The following TMEM86A variants were observed in gnomAD, a reference collection of about 807,000 sequenced individuals.
TMEM86A encodes transmembrane protein 86A, also known as lysoplasmalogenase TMEM86A.
In TMEM86A, 13 loss-of-function variants were observed where a neutral mutation model predicts 19.8. The ratio of observed to expected loss-of-function variants is 0.66; its 90% confidence interval spans 0.43 to 1.04. The LOEUF (loss-of-function observed/expected upper bound fraction) is 1.04, where lower values mean the gene tolerates loss of function less well. Among genes scored for constraint, TMEM86A ranks in the 50% least tolerant of loss-of-function variants. The probability of loss-of-function intolerance (pLI) is 0.00; values close to 1 mark genes in which losing one functional copy is unlikely to be tolerated. For missense variants in TMEM86A, 248 were observed against 306.8 expected (o/e 0.81, Z 1.43); for synonymous variants, 128 against 129.9 (o/e 0.99, Z 0.10).
rs762190507 is a variant in TMEM86A, at chr11:18,701,874, C to T, written c.588C>T (p.Asn196=). 3 of 1,614,192 alleles carry T rather than the reference C, an allele frequency of 1.9e-6. No homozygotes were observed. Among genetic ancestry groups the T allele is most frequent in the East Asian group, 4.5e-5 (2 of 44,886 alleles). Residue 196 remains asparagine (N), a synonymous_variant, in exon 3 of 3, where the codon AAC becomes AAT. Transcript: ENST00000280734. This position sits in a 1 kb window ranked among gnomAD's most constrained non-coding sequence, Gnocchi z 5.3. ...FIISDLTIAL[N]KFCFPVPYSR... ...TCTCAGACCTGACCATCGCCCTCAA[C>T]AAATTCTGTTTTCCTGTGCCCTACT...
rs192174139 is a variant in TMEM86A, at chr11:18,701,322, G to A, written c.286+125G>A. ...GAGTGTGGGGAGCCTGAGGGTTTCTGAGGCCAGGGACTGTGAGGGTCCTTG... is the reference window on the plus strand; with the variant it reads ...GAGTGTGGGGAGCCTGAGGGTTTCTAAGGCCAGGGACTGTGAGGGTCCTTG... On this transcript the variant is annotated intron_variant, in intron 2 of 2. Coordinates refer to ENST00000280734, the MANE Select transcript of TMEM86A (RefSeq NM_153347.3). The surrounding 1 kb of genome is among the most constrained non-coding windows in gnomAD (Gnocchi z 5.3). The A allele has an allele frequency of 2.0e-5, 27 of 1,337,868 alleles. No homozygotes were observed. Among genetic ancestry groups the A allele is most frequent in the Non-Finnish European group, 2.6e-5 (26 of 982,566 alleles). 82.9% of individuals were successfully genotyped at this position (1,337,868 alleles called of 1,614,324 possible).
chr11:18,702,282 AC>A lies in TMEM86A; in HGVS notation c.*279del, dbSNP rs931486548. On this transcript the variant is annotated 3_prime_UTR_variant, in exon 3 of 3. Transcript: ENST00000280734. ...CCTCTACCCTATCAGGACTTTCAAA[AC>A]CCCCCTGGAAGGTGATGGTGCTCAG... 7 of 457,440 alleles carry A rather than the reference AC, an allele frequency of 1.5e-5. No homozygotes were observed. The highest frequency in any genetic ancestry group is 9.9e-5 in the African/African-American group (5 of 50,706). The allele number at this position is 457,440 out of a possible 1,614,324, so 28.3% of individuals were successfully genotyped here. A position where few individuals can be genotyped will look rare whatever the true frequency, so the allele number is the denominator to read the frequency against.
rs1292330135 is a variant in TMEM86A, at chr11:18,701,965, A to G, written c.679A>G (p.Ser227Gly). ...QMLVALSAVE[S>G]REPVEHYRLT... ...GCTCGTCGCCTTGTCAGCTGTCGAAAGCCGGGAGCCTGTGGAACACTACAG... is the reference window on the plus strand; with the variant it reads ...GCTCGTCGCCTTGTCAGCTGTCGAAGGCCGGGAGCCTGTGGAACACTACAG... The change falls in exon 3 of 3, where the codon AGC becomes GGC. Residue 227 changes from serine to glycine, a missense_variant. Ser to Gly is a moderately conservative substitution (Grantham distance 56). Transcript: ENST00000280734. The surrounding 1 kb of genome is among the most constrained non-coding windows in gnomAD (Gnocchi z 5.3). The G allele has an allele frequency of 3.7e-6, 6 of 1,611,360 alleles. No individual in the cohort carries two copies. The highest frequency in any genetic ancestry group is 5.1e-6 in the Non-Finnish European group (6 of 1,180,014).
rs780884970 is a variant in TMEM86A, at chr11:18,698,785, C to T, written c.-102C>T. 8.2e-5 allele frequency: 52 copies of T among 635,986 alleles called. 1 individual carries two copies. Among genetic ancestry groups the T allele is most frequent in the Non-Finnish European group, 1.2e-4 (44 of 354,674 alleles). The allele number at this position is 635,986 out of a possible 1,614,324, so 39.4% of individuals were successfully genotyped here. A position where few individuals can be genotyped will look rare whatever the true frequency, so the allele number is the denominator to read the frequency against. On this transcript the variant is annotated 5_prime_UTR_variant, in exon 1 of 3. Transcript: ENST00000280734. ...CGCCGGGCGCTCGGGAGGTATTGTC[C>T]GTCCCTCCGGGCTTTGTAGAATCGT...
At position 18,701,338 on chromosome 11, in the gene TMEM86A, A is replaced by G; in HGVS notation, c.286+141A>G. 8.1e-7 allele frequency: 1 copy of G among 1,239,560 alleles called. No homozygotes were observed. The highest frequency in any genetic ancestry group is 1.5e-5 in the South Asian group (1 of 68,102). 76.8% of individuals were successfully genotyped at this position (1,239,560 alleles called of 1,614,324 possible). On this transcript the variant is annotated intron_variant, in intron 2 of 2. Transcript: ENST00000280734. The surrounding 1 kb of genome is among the most constrained non-coding windows in gnomAD (Gnocchi z 5.3). ...AGGGTTTCTGAGGCCAGGGACTGTG[A>G]GGGTCCTTGTTAGGGGATGACCTCG...
rs1848130382 is a variant in TMEM86A, at chr11:18,699,388, G to A, written c.21+481G>A. On this transcript the variant is annotated intron_variant, in intron 1 of 2. Coordinates refer to ENST00000280734, the MANE Select transcript of TMEM86A (RefSeq NM_153347.3). The surrounding 1 kb of genome is among the most constrained non-coding windows in gnomAD (Gnocchi z 4.0). ...GACGCCCCTGAGTCTAAGAAGCGCT[G>A]ATAACGCGCTGGGGGAAAAGGGGGC... Among the ~76,000 whole-genome samples the A allele has an allele frequency of 6.6e-6, 1 of 152,234 alleles. No homozygotes were observed. Among genetic ancestry groups the A allele is most frequent in the Non-Finnish European group, 1.5e-5 (1 of 68,040 alleles).
In TMEM86A at chr11:18,701,969, G is replaced by A. The variant is rs371309512; in HGVS notation, c.683G>A (p.Arg228Gln). The change falls in exon 3 of 3, where the codon CGG becomes CAG. Residue 228 changes from arginine to glutamine, a missense_variant. Arg to Gln is a conservative substitution (Grantham distance 43, BLOSUM62 1). Transcript: ENST00000280734. The surrounding 1 kb of genome is among the most constrained non-coding windows in gnomAD (Gnocchi z 5.3). ...GTCGCCTTGTCAGCTGTCGAAAGCC[G>A]GGAGCCTGTGGAACACTACAGACTG... ...MLVALSAVES[R>Q]EPVEHYRLTK... The A allele has an allele frequency of 3.7e-5, 59 of 1,610,372 alleles. No homozygotes were observed. In the Middle Eastern group the frequency reaches 9.9e-4, roughly 27 times the overall value.
Position 18,701,318 on chromosome 11 carries a change from T to C in TMEM86A, c.286+121T>C. The stretch of plus-strand genomic sequence containing the variant: ...ACCAGAGTGTGGGGAGCCTGAGGGT[T>C]TCTGAGGCCAGGGACTGTGAGGGTC... On this transcript the variant is annotated intron_variant, in intron 2 of 2. Coordinates refer to ENST00000280734, the MANE Select transcript of TMEM86A (RefSeq NM_153347.3). This position sits in a 1 kb window ranked among gnomAD's most constrained non-coding sequence, Gnocchi z 5.3. 7.3e-7 allele frequency: 1 copy of C among 1,370,088 alleles called. No individual in the cohort carries two copies. The highest frequency in any genetic ancestry group is 9.9e-7 in the Non-Finnish European group (1 of 1,010,278). The allele number at this position is 1,370,088 out of a possible 1,614,324, so 84.9% of individuals were successfully genotyped here.
chr11:18,701,284 A>T lies in TMEM86A; in HGVS notation c.286+87A>T, dbSNP rs1438581863. On this transcript the variant is annotated intron_variant, in intron 2 of 2. Coordinates refer to ENST00000280734, the MANE Select transcript of TMEM86A (RefSeq NM_153347.3). The surrounding 1 kb of genome is among the most constrained non-coding windows in gnomAD (Gnocchi z 5.3). ...CTGTGGGCAAAGATTTGGAAGAGGG[A>T]GTTCTTGAACCAGAGTGTGGGGAGC... is the stretch of plus-strand genomic sequence containing the variant. 6.6e-7 allele frequency: 1 copy of T among 1,524,926 alleles called. No individual in the cohort carries two copies. Among genetic ancestry groups the T allele is most frequent in the East Asian group, 2.3e-5 (1 of 44,204 alleles). The allele number at this position is 1,524,926 out of a possible 1,614,324, so 94.5% of individuals were successfully genotyped here. A position where few individuals can be genotyped will look rare whatever the true frequency, so the allele number is the denominator to read the frequency against.
chr11:18,701,759 G>T lies in TMEM86A; in HGVS notation c.473G>T (p.Gly158Val). 1 of 1,614,128 alleles carries T rather than the reference G, an allele frequency of 6.2e-7. No individual in the cohort carries two copies. ...TATGTGGCCCTTATCGGCTTCATGG[G>T]CTGGCGAGCTATGGCAGGGCTGCGG... ...GVYVALIGFM[G>V]WRAMAGLRLA... Residue 158 changes from glycine to valine, a missense_variant, in exon 3 of 3, where the codon GGC becomes GTC. By Grantham distance (109) the Gly-to-Val change is moderately radical (BLOSUM62 -3). Coordinates refer to ENST00000280734, the MANE Select transcript of TMEM86A (RefSeq NM_153347.3). The surrounding 1 kb of genome is among the most constrained non-coding windows in gnomAD (Gnocchi z 5.3).
Position 18,702,055 on chromosome 11 carries a change from C to T in TMEM86A, c.*46C>T. ...CCTCTCTCCTCCTGGGGCTGGGGCC[C>T]AGATCCTGGGGACCTGCAGGAGCTG... is the stretch of plus-strand genomic sequence containing the variant. On this transcript the variant is annotated 3_prime_UTR_variant, in exon 3 of 3. Transcript: ENST00000280734. 1 of 1,581,638 alleles carries T rather than the reference C, an allele frequency of 6.3e-7. No individual in the cohort carries two copies. The highest frequency in any genetic ancestry group is 1.3e-5 in the African/African-American group (1 of 74,550).
rs1389967293 is a variant in TMEM86A, at chr11:18,703,544, G to A, written c.*1535G>A. On this transcript the variant is annotated 3_prime_UTR_variant, in exon 3 of 3. Coordinates refer to ENST00000280734, the MANE Select transcript of TMEM86A (RefSeq NM_153347.3). ...ACTCTGGGCTTAGTTGAACAGCTGG[G>A]AGCAATGGGATTAGATTGGCTGATT... 6.6e-6 allele frequency: 1 copy of A among 152,194 alleles called. No individual in the cohort carries two copies. The highest frequency in any genetic ancestry group is 6.5e-5 in the Admixed American group (1 of 15,280). The allele number at this position is 152,194 out of a possible 1,614,324, so 9.4% of individuals were successfully genotyped here.
Position 18,701,241 on chromosome 11 carries a change from G to T in TMEM86A, c.286+44G>T, listed in dbSNP as rs780181343. ...TGCCTGGGAGGAGTCCTGGGGCTGGGGGATAGAGGGTCCTGGGCTGTGGGC... is the reference window on the plus strand; with the variant it reads ...TGCCTGGGAGGAGTCCTGGGGCTGGTGGATAGAGGGTCCTGGGCTGTGGGC... On this transcript the variant is annotated intron_variant, in intron 2 of 2. Coordinates refer to ENST00000280734, the MANE Select transcript of TMEM86A (RefSeq NM_153347.3). The surrounding 1 kb of genome is among the most constrained non-coding windows in gnomAD (Gnocchi z 5.3). The T allele has an allele frequency of 1.9e-6, 3 of 1,599,494 alleles. No homozygotes were observed. Among genetic ancestry groups the T allele is most frequent in the East Asian group, 4.5e-5 (2 of 44,720 alleles).
chr11:18,701,900 C>T lies in TMEM86A; in HGVS notation c.614C>T (p.Ser205Phe), dbSNP rs1374334768. The part of the protein sequence containing the change: ...LNKFCFPVPY[S>F]RALIMSTYYV... The stretch of plus-strand genomic sequence containing the variant: ...AAATTCTGTTTTCCTGTGCCCTACT[C>T]TCGGGCGCTTATCATGTCCACCTAC... Residue 205 changes from serine to phenylalanine, a missense_variant, in exon 3 of 3, where the codon TCT (serine) becomes TTT (phenylalanine). Ser to Phe is a radical substitution (Grantham distance 155). Coordinates refer to ENST00000280734, the MANE Select transcript of TMEM86A (RefSeq NM_153347.3). This position sits in a 1 kb window ranked among gnomAD's most constrained non-coding sequence, Gnocchi z 5.3. 1 of 1,614,142 alleles carries T rather than the reference C, an allele frequency of 6.2e-7. No individual in the cohort carries two copies. The highest frequency in any genetic ancestry group is 1.7e-5 in the Admixed American group (1 of 60,032).
In TMEM86A at chr11:18,704,336, C is replaced by A; in HGVS notation, c.*2327C>A. 1 of 673,564 alleles carries A rather than the reference C, an allele frequency of 1.5e-6. No homozygotes were observed. The highest frequency in any genetic ancestry group is 1.6e-5 in the South Asian group (1 of 62,092). 41.7% of individuals were successfully genotyped at this position (673,564 alleles called of 1,614,324 possible). A position where few individuals can be genotyped will look rare whatever the true frequency, so the allele number is the denominator to read the frequency against. ...AAAGGATGAGTTACGTTTATTGCCC[C>A]ATCCCTTCACTGAATGTTTACATTA... On this transcript the variant is annotated 3_prime_UTR_variant, in exon 3 of 3. Transcript: ENST00000280734.
In TMEM86A at chr11:18,702,285, C is replaced by T. The variant is rs988376825; in HGVS notation, c.*276C>T. ...CTACCCTATCAGGACTTTCAAAACC[C>T]CCCTGGAAGGTGATGGTGCTCAGCT... On this transcript the variant is annotated 3_prime_UTR_variant, in exon 3 of 3. Transcript: ENST00000280734. The T allele has an allele frequency of 1.2e-5, 6 of 488,210 alleles. No homozygotes were observed. Among genetic ancestry groups the T allele is most frequent in the Non-Finnish European group, 2.2e-5 (6 of 268,626 alleles). The allele number at this position is 488,210 out of a possible 1,614,324, so 30.2% of individuals were successfully genotyped here.
At chr11:18,700,611 T>TG in intron 1 of TMEM86A, 1 of 425,032 alleles carries the variant, frequency 2.4e-6, no homozygotes, top group South Asian at 3.0e-5. Flanking sequence ...AGTGAACAGC[T>TG]GGGGGCTGTT....
chr11:18,700,482 C>G lies in TMEM86A; in HGVS notation c.22-451C>G, dbSNP rs547742182. 3.5e-5 allele frequency: 6 copies of G among 173,672 alleles called. No homozygotes were observed. The East Asian group carries it at 9.4e-4, about 27-fold the overall frequency. 10.8% of individuals were successfully genotyped at this position (173,672 alleles called of 1,614,324 possible). ...TTGCCATTGCCTGCTTTCCCACATT[C>G]CTGGCACACACCTGGTGTTGCCAGG... On this transcript the variant is annotated intron_variant, in intron 1 of 2. Transcript: ENST00000280734.
chr11:18,700,614 G>A, intron 1 of TMEM86A: 1 of 435,886 alleles, frequency 2.3e-6, no homozygotes, highest in South Asian at 3.0e-5. Flanking sequence ...GAACAGCTGG[G>A]GGCTGTTGCT....
Sources: gnomAD v4.1 joint callset for allele counts (sites outside exome capture counted in the v4.1 genomes callset) on GRCh38, gnomAD v4.1.1 for gene constraint, Gnocchi (gnomAD v3.1) non-coding constraint, MANE v1.5 for transcripts, NCBI Gene and HGNC (gene_info 2026-07-23, HGNC 2026-07-21) for gene names.